Variants in ABCA9 observed in about 807,000 individuals in gnomAD.
ABCA9 encodes ATP-binding cassette sub-family A member 9.
In ABCA9, 183 loss-of-function variants were observed where a neutral mutation model predicts 205.3. That is an observed-to-expected ratio of 0.89 (90% CI 0.79 to 1.01). The LOEUF (loss-of-function observed/expected upper bound fraction) is 1.01, where lower values mean the gene tolerates loss of function less well. Among genes scored for constraint, ABCA9 ranks in the 50% least tolerant of loss-of-function variants. ABCA9 has a pLI of 0.00. For missense variants in ABCA9, 1,805 were observed against 1,912.4 expected (o/e 0.94, Z 1.05); for synonymous variants, 651 against 683.3 (o/e 0.95, Z 0.74).
the ABCA9 span, among the ~76,000 whole-genome samples, chr17:69,076,077 G>A: frequency 6.6e-6 from 1 of 152,152 alleles, no homozygotes; most frequent in Admixed American, 6.5e-5. Flanking sequence ...TGGTGAAAGT[G>A]AGCATCCTTG....
intron 25 of ABCA9, among the ~76,000 whole-genome samples, chr17:68,998,399 G>A (rs951996366): frequency 1.3e-5 from 2 of 152,148 alleles, no homozygotes; most frequent in African/African-American, 4.8e-5. Context: ...CTTTCCCTCA[G>A]ATGTGTGAAA....
intron 2 of ABCA9, among the ~76,000 whole-genome samples, chr17:69,050,345 C>CGA (rs1194528188): frequency 0.019 from 103 of 5,474 alleles, no homozygotes; most frequent in Admixed American, 0.14. Flanking sequence ...CACACACGAA[C>CGA]ACACACACAC....
At chr17:68,992,552 G>GC (rs774178109) in intron 27 of ABCA9, 7 of 236,716 alleles carry the variant, frequency 3.0e-5, no homozygotes, top group Non-Finnish European at 5.7e-5. Flanking sequence ...GTTGGCTCAC[G>GC]CCTGTAATCC....
At chr17:68,990,729 G>T in intron 29 of ABCA9, 108 bp downstream of exon 29, 1 of 1,375,882 alleles carries the variant, frequency 7.3e-7, no homozygotes, top group Non-Finnish European at 1.0e-6. Context: ...AGCTGTATGT[G>T]TAAGAATGAA....
intron 7 of ABCA9, 29 bp downstream of exon 7, chr17:69,035,631 A>G: frequency 1.2e-6 from 2 of 1,609,800 alleles, no homozygotes; most frequent in Non-Finnish European, 8.5e-7. Flanking sequence ...AAAGAGAATA[A>G]AAGACTTAGA....
At chr17:68,989,439 A>AC (rs1254148522) in intron 30 of ABCA9, among the ~76,000 whole-genome samples, 1 of 151,894 alleles carries the variant, frequency 6.6e-6, no homozygotes, top group Non-Finnish European at 1.5e-5. Context: ...TGTTGTACGA[A>AC]CCCCCCACTT....
intron 20 of ABCA9, 49 bp downstream of exon 20, chr17:69,018,364 C>T: frequency 7.2e-7 from 1 of 1,395,330 alleles, no homozygotes; most frequent in Non-Finnish European, 9.4e-7. Flanking sequence ...TGGGGGGAAT[C>T]TCTCAACAAG....
At chr17:68,986,022 C>A in intron 32 of ABCA9, 142 bp downstream of exon 32, 1 of 700,652 alleles carries the variant, frequency 1.4e-6, no homozygotes, top group Non-Finnish European at 2.2e-6. Context: ...GAGAAAACAA[C>A]ACTGAACAGA....
At chr17:69,000,123 T>G (rs967064580) in intron 25 of ABCA9, among the ~76,000 whole-genome samples, 64 of 151,746 alleles carry the variant, frequency 4.2e-4, no homozygotes, top group East Asian at 9.7e-4. Context: ...AGAAGCTCTT[T>G]AGTTTAATTA....
At chr17:69,012,964 T>C (rs1016752936) in intron 22 of ABCA9, among the ~76,000 whole-genome samples, 4 of 151,878 alleles carry the variant, frequency 2.6e-5, no homozygotes, top group African/African-American at 4.8e-5. Flanking sequence ...AATGAGAACA[T>C]GCAATGTGTG....
At chr17:69,015,111 A>C (rs544354308) in intron 22 of ABCA9, among the ~76,000 whole-genome samples, 38 of 152,152 alleles carry the variant, frequency 2.5e-4, no homozygotes, top group Non-Finnish European at 4.9e-4. Flanking sequence ...TCAGAAGGGG[A>C]GGGAAAGGGG....
At chr17:69,026,607 C>T (rs1312598749) in intron 15 of ABCA9, 140 bp from the exon 16 acceptor site, 1 of 752,838 alleles carries the variant, frequency 1.3e-6, no homozygotes, top group Non-Finnish European at 2.1e-6. Context: ...ATACGTAAAC[C>T]ACTTTTTTTT....
rs149937660 is a variant in ABCA9 at position 69,008,235 on chromosome 17, T to A, written c.3148A>T (p.Lys1050Ter). 28 of 1,611,610 alleles carry A rather than the reference T, an allele frequency of 1.7e-5. No individual in the cohort carries two copies. In the Admixed American group the frequency reaches 3.5e-4, roughly 20 times the overall value. Reference protein sequence around the residue: ...IAMSSIGDYKKKAHSQLRISG... With the variant: ...IAMSSIGDYK ...ATCCGTAGCTGGGAATGAGCTTTTT[T>A]CTGATAAAGAAATAGAAGAATCATC... is the stretch of plus-strand genomic sequence containing the variant. The change falls in exon 24 of 39, where the codon AAA becomes TAA. Residue 1050 changes from lysine (K) to a stop codon, truncating the protein, a stop_gained and splice_region_variant. Coordinates refer to ENST00000340001, the MANE Select transcript of ABCA9 (RefSeq NM_080283.4). LOFTEE classifies it high-confidence loss of function.
chr17:69,006,727 AAAAC>A (rs1452757288), intron 25 of ABCA9, among the ~76,000 whole-genome samples: 1 of 152,170 alleles, frequency 6.6e-6, no homozygotes, highest in East Asian at 1.9e-4. Context: ...AGTGCTCAAA[AAAAC>A]TACCAGACAC....
In ABCA9 at chr17:69,016,113, T is replaced by TATATAC. The variant is rs1567944836; in HGVS notation, c.3039+139_3039+140insGTATAT. 1.3e-3 allele frequency: 356 copies of TATATAC among 276,014 alleles called. 2 individuals are homozygous for TATATAC. The highest frequency in any genetic ancestry group is 8.1e-3 in the African/African-American group (340 of 41,842). The allele number at this position is 276,014 out of a possible 1,614,324, so 17.1% of individuals were successfully genotyped here. A position where few individuals can be genotyped will look rare whatever the true frequency, so the allele number is the denominator to read the frequency against. On this transcript the variant is annotated intron_variant, in intron 22 of 38. Transcript: ENST00000340001. ...TTATATGTGTGTGTGTATATATATATATATATATATACACACACACACACA... is the reference window on the plus strand; with the variant it reads ...TTATATGTGTGTGTGTATATATATATATATACATATATATATACACACACACACACA...
chr17:69,035,944 C>G (rs2071323232), intron 6 of ABCA9, 143 bp from the exon 7 acceptor site: 1 of 991,676 alleles, frequency 1.0e-6, no homozygotes, highest in Non-Finnish European at 1.4e-6. Context: ...ATCTCCTACC[C>G]TCAGGATCAC....
In ABCA9 at chr17:68,988,961, C is replaced by T. The variant is rs555408509; in HGVS notation, c.4047+66G>A. 7.3e-6 allele frequency: 7 copies of T among 962,254 alleles called. No homozygotes were observed. The East Asian group carries it at 1.2e-4, about 17-fold the overall frequency. The allele number at this position is 962,254 out of a possible 1,614,324, so 59.6% of individuals were successfully genotyped here. A position where few individuals can be genotyped will look rare whatever the true frequency, so the allele number is the denominator to read the frequency against. ...AGTGATTATGGATCAACTACATAGT[C>T]TATTATTGCCATCAATATTCTTTGT... On this transcript the variant is annotated intron_variant, in intron 31 of 38. Transcript: ENST00000340001.
intron 18 of ABCA9, among the ~76,000 whole-genome samples, chr17:69,021,490 A>G (rs535209128): frequency 1.3e-5 from 2 of 152,282 alleles, no homozygotes; most frequent in East Asian, 3.9e-4. Flanking sequence ...GTAATATCAT[A>G]CCATATATTT....
In ABCA9 at chr17:69,017,656, CT is replaced by C. The variant is rs758213400; in HGVS notation, c.2900del (p.Lys967ArgfsTer7). 3 of 1,612,442 alleles carry C rather than the reference CT, an allele frequency of 1.9e-6. No homozygotes were observed. The highest frequency in any genetic ancestry group is 2.5e-6 in the Non-Finnish European group (3 of 1,179,080). ...NGAIIVSGDE[K>X]DHRFSIACNT... ...ATGCAGCAACTGGAGTCCAGCATACCTTTTCATCACCTGACACAATGATAGC... is the reference window on the plus strand; with the variant it reads ...ATGCAGCAACTGGAGTCCAGCATACCTTTCATCACCTGACACAATGATAGC... On this transcript the variant is annotated frameshift_variant and splice_region_variant, in exon 21 of 39. Coordinates refer to ENST00000340001, the MANE Select transcript of ABCA9 (RefSeq NM_080283.4). LOFTEE classifies it high-confidence loss of function.
Sources: gnomAD v4.1 joint callset for allele counts (sites outside exome capture counted in the v4.1 genomes callset) on GRCh38, gnomAD v4.1.1 for gene constraint, MANE v1.5 for transcripts, NCBI Gene and HGNC (gene_info 2026-07-23, HGNC 2026-07-21) for gene names.